The following CENPE variants were observed in gnomAD, a reference collection of about 807,000 sequenced individuals.
The protein encoded by CENPE is centromere protein E.
Under a neutral mutation model 336.1 loss-of-function variants are expected in CENPE, and 145 were observed. The ratio of observed to expected loss-of-function variants is 0.43; its 90% CI spans 0.38 to 0.50. The LOEUF is 0.50. Among genes scored for constraint, CENPE ranks in the 20% least tolerant of loss-of-function variants. CENPE has a pLI of 0.00. For synonymous variants in CENPE, 1,013 were observed against 984.8 expected (o/e 1.03, Z -0.54); for missense variants, 2,719 against 3,023.3 (o/e 0.90, Z 2.36).
At chr4:103,121,864 AT>A (rs961104262) in intron 43 of CENPE, among the ~76,000 whole-genome samples, 29 of 150,750 alleles carry the variant, frequency 1.9e-4, no homozygotes, top group African/African-American at 6.6e-4. Context: ...CAAGTAAACC[AT>A]TTTTTTTTCC....
At chr4:103,115,178 G>C (rs745529998) in intron 45 of CENPE, among the ~76,000 whole-genome samples, 14 of 151,020 alleles carry the variant, frequency 9.3e-5, no homozygotes, top group Non-Finnish European at 2.1e-4. Flanking sequence ...TTGTCCCCCA[G>C]GCTGGAGTGC....
chr4:103,127,696 G>C (rs1275577152), intron 42 of CENPE, among the ~76,000 whole-genome samples: 1 of 152,070 alleles, frequency 6.6e-6, no homozygotes, highest in East Asian at 1.9e-4. Flanking sequence ...GAAGTGGAAA[G>C]TGTTATTTGA....
chr4:103,185,675 A>T, intron 9 of CENPE, 135 bp downstream of exon 9: 1 of 506,370 alleles, frequency 2.0e-6, no homozygotes, highest in South Asian at 4.1e-5. Context: ...TTATCAGAAA[A>T]TCACAATTAA....
intron 47 of CENPE, among the ~76,000 whole-genome samples, chr4:103,109,386 T>C (rs992302255): frequency 6.6e-6 from 1 of 152,196 alleles, no homozygotes; most frequent in Non-Finnish European, 1.5e-5. Context: ...ATCAATGATA[T>C]AATCCAGAGT....
At chr4:103,148,785 T>C (rs1470766832) in intron 28 of CENPE, 59 bp downstream of exon 28, 1 of 1,488,928 alleles carries the variant, frequency 6.7e-7, no homozygotes, top group Non-Finnish European at 9.2e-7. Flanking sequence ...TGCTTATCTT[T>C]CCTTCAAAGG....
intron 40 of CENPE, among the ~76,000 whole-genome samples, chr4:103,134,704 A>G (rs1468520407): frequency 2.0e-5 from 3 of 152,170 alleles, no homozygotes; most frequent in Non-Finnish European, 4.4e-5. Flanking sequence ...TCAAGAGACA[A>G]TAATTTCAAT....
intron 45 of CENPE, chr4:103,116,367 A>C (rs1221364288): frequency 3.1e-6 from 1 of 319,552 alleles, no homozygotes. Context: ...CAGCGTGTTA[A>C]TTGATCAGAA....
At chr4:103,196,337 CAAAAGT>C (rs1757732069) in intron 2 of CENPE, 85 bp from the exon 3 acceptor site, 2 of 1,013,050 alleles carry the variant, frequency 2.0e-6, no homozygotes, top group Non-Finnish European at 3.0e-6. Flanking sequence ...TAATTATTCC[CAAAAGT>C]AAAACTGTCA....
In CENPE at chr4:103,182,806, T is replaced by C. The variant is rs775340230; in HGVS notation, c.919A>G (p.Thr307Ala). The change falls in exon 11 of 49, where the codon ACA (threonine) becomes GCA (alanine). Residue 307 changes from threonine (T) to alanine (A), a missense_variant. By Grantham distance (58) the Thr-to-Ala change is moderately conservative (BLOSUM62 0). Transcript: ENST00000265148. The part of the protein sequence containing the change: ...GGNAKTRIIC[T>A]ITPVSFDETL... ...TCATCAAAAGATACTGGAGTAATTG[T>C]GCAGATAATACGTGTCTTTGCATTT... 1.2e-6 allele frequency: 2 copies of C among 1,612,440 alleles called. No individual in the cohort carries two copies. The highest frequency in any genetic ancestry group is 2.7e-5 in the African/African-American group (2 of 74,896).
At position 103,175,957 on chromosome 4, in the gene CENPE, T is replaced by C; in HGVS notation, c.1479+3A>G. The C allele has an allele frequency of 6.4e-7, 1 of 1,559,536 alleles. No homozygotes were observed. The highest frequency in any genetic ancestry group is 8.8e-7 in the Non-Finnish European group (1 of 1,137,192). Reference sequence around the variant, plus strand: ...TTATATGCTGTAAAATACATTAAGTTACCTGATTTAGTAGCTTTGTTGCTG... The same window carrying C: ...TTATATGCTGTAAAATACATTAAGTCACCTGATTTAGTAGCTTTGTTGCTG... On this transcript the variant is annotated splice_donor_region_variant and intron_variant, in intron 15 of 48. Coordinates refer to ENST00000265148, the MANE Select transcript of CENPE (RefSeq NM_001813.3).
rs772786717 is a variant in CENPE at position 103,198,249 on chromosome 4, G to C, written c.56+15C>G. 9 of 1,549,592 alleles carry C rather than the reference G, an allele frequency of 5.8e-6. No individual in the cohort carries two copies. Among genetic ancestry groups the C allele is most frequent in the Non-Finnish European group, 7.8e-6 (9 of 1,146,520 alleles). On this transcript the variant is annotated intron_variant, in intron 1 of 48. Coordinates refer to ENST00000265148, the MANE Select transcript of CENPE (RefSeq NM_001813.3). ...CAGGCCCAGCGGGCACCGGGCCGTG[G>C]TGTGGCCCCCCTACCTGCTGTTCAG...
chr4:103,142,364 A>G (rs1320566763), intron 34 of CENPE, among the ~76,000 whole-genome samples: 1 of 152,234 alleles, frequency 6.6e-6, no homozygotes, highest in Non-Finnish European at 1.5e-5. Flanking sequence ...TATCTGCTTA[A>G]AAGGCTGTAT....
chr4:103,161,481 C>T (rs1445546870), intron 18 of CENPE, 24 bp from the exon 19 acceptor site: 17 of 1,533,604 alleles, frequency 1.1e-5, no homozygotes, highest in Non-Finnish European at 1.5e-5. Context: ...AAAAGGGGTT[C>T]ACTGAAATCT....
chr4:103,170,009 C>T (rs1578652189), intron 16 of CENPE, among the ~76,000 whole-genome samples: 1 of 152,086 alleles, frequency 6.6e-6, no homozygotes, highest in Non-Finnish European at 1.5e-5. Context: ...TAGAAACCAT[C>T]ATTCTCAGCA....
chr4:103,171,708 G>GT lies in CENPE; in HGVS notation c.1647+3027dup, dbSNP rs200758380. Reference sequence around the variant, plus strand: ...TTTAAAAAAATCCACAAAATAAAGAGTTTTTTTTTTTTGAAAGAAACAAAA... The same window carrying GT: ...TTTAAAAAAATCCACAAAATAAAGAGTTTTTTTTTTTTTGAAAGAAACAAAA... On this transcript the variant is annotated intron_variant, in intron 16 of 48. Coordinates refer to ENST00000265148, the MANE Select transcript of CENPE (RefSeq NM_001813.3). 0.011 allele frequency among the ~76,000 whole-genome samples: 1,621 copies of GT among 141,804 alleles called. 81 individuals are homozygous for GT. In the East Asian group the frequency reaches 0.17, roughly 15 times the overall value. The allele number at this position is 141,804 out of a possible 152,430, so 93.0% of individuals were successfully genotyped here. A position where few individuals can be genotyped will look rare whatever the true frequency, so the allele number is the denominator to read the frequency against.
Position 103,158,624 on chromosome 4 carries a change from G to A in CENPE, c.2864C>T (p.Thr955Ile), listed in dbSNP as rs768185659. Reference sequence around the variant, plus strand: ...CAATCAAAACCTTACCATGTTAACAGTATCGTGAATATCACTTTTGAGTTG... The same window carrying A: ...CAATCAAAACCTTACCATGTTAACAATATCGTGAATATCACTTTTGAGTTG... The part of the protein sequence containing the change: ...RDQLKSDIHD[T>I]VNMNIDTQEQ... The change falls in exon 23 of 49, where the codon ACT becomes ATT. Residue 955 changes from threonine to isoleucine, a missense_variant. Coordinates refer to ENST00000265148, the MANE Select transcript of CENPE (RefSeq NM_001813.3). 6 of 1,601,476 alleles carry A rather than the reference G, an allele frequency of 3.7e-6. No individual in the cohort carries two copies. Among genetic ancestry groups the A allele is most frequent in the Non-Finnish European group, 5.1e-6 (6 of 1,176,600 alleles).
intron 16 of CENPE, among the ~76,000 whole-genome samples, chr4:103,174,288 A>C (rs547827584): frequency 8.0e-4 from 121 of 152,188 alleles, no homozygotes; most frequent in African/African-American, 2.7e-3. Flanking sequence ...CAGAATCTTA[A>C]AAAGCTGATC....
At chr4:103,126,006 A>C (rs1290820790) in intron 42 of CENPE, among the ~76,000 whole-genome samples, 1 of 152,160 alleles carries the variant, frequency 6.6e-6, no homozygotes, top group East Asian at 1.9e-4. Context: ...AGAGGCAGAG[A>C]GGCAGATACA....
At chr4:103,175,642 T>C (rs1257806024) in intron 15 of CENPE, among the ~76,000 whole-genome samples, 16 of 152,128 alleles carry the variant, frequency 1.1e-4, no homozygotes, top group Non-Finnish European at 5.9e-5. Flanking sequence ...GCCTGAGAAT[T>C]GACACTTTTA....
Sources: allele counts gnomAD v4.1 joint callset (sites outside exome capture counted in the v4.1 genomes callset), GRCh38; gene constraint gnomAD v4.1.1; transcripts MANE v1.5; gene names NCBI Gene and HGNC (gene_info 2026-07-23, HGNC 2026-07-21).